ARID2: variants seen among roughly 807,000 people sequenced by gnomAD.
The protein encoded by ARID2 is AT-rich interactive domain-containing protein 2.
A neutral mutation model predicts 184.6 loss-of-function variants in ARID2; 32 were observed. That is an observed-to-expected ratio of 0.17 (90% CI 0.13 to 0.23). The LOEUF (loss-of-function observed/expected upper bound fraction) is 0.23, where lower values mean the gene tolerates loss of function less well. ARID2 is among the 10% of genes least tolerant of loss of function. The pLI is 1.00. For synonymous variants in ARID2, 836 were observed against 772.6 expected (o/e 1.08, Z -1.36); for missense variants, 1,696 against 2,197.6 (o/e 0.77, Z 4.56).
intron 4 of ARID2, among the ~76,000 whole-genome samples, chr12:45,814,632 G>C (rs1942773258): frequency 6.6e-6 from 1 of 152,126 alleles, no homozygotes; most frequent in African/African-American, 2.4e-5. Flanking sequence ...CTAGGCGACA[G>C]AGCAAAACTC....
At chr12:45,901,154 ATTTTTTTTTTT>A (rs71067909) in intron 20 of ARID2, among the ~76,000 whole-genome samples, 12 of 44,962 alleles carry the variant, frequency 2.7e-4, no homozygotes, top group African/African-American at 1.3e-3. Context: ...AATTTCCTTA[ATTTTTTTTTTT>A]TTTTTTTTTT....
chr12:45,857,872 T>C (rs758184562), intron 15 of ARID2, among the ~76,000 whole-genome samples: 5 of 152,002 alleles, frequency 3.3e-5, no homozygotes, highest in African/African-American at 4.8e-5. Flanking sequence ...CAATCCTCCT[T>C]CTTCAGCCTC....
chr12:45,849,557 C>G (rs780829425), intron 13 of ARID2, 23 bp from the exon 14 acceptor site: 2 of 1,567,920 alleles, frequency 1.3e-6, no homozygotes, highest in Non-Finnish European at 1.7e-6. Flanking sequence ...TCAAAACTTA[C>G]TGATTATGTA....
chr12:45,842,630 G>A (rs1226520090), intron 11 of ARID2, among the ~76,000 whole-genome samples: 3 of 151,676 alleles, frequency 2.0e-5, no homozygotes, highest in African/African-American at 7.3e-5. Flanking sequence ...GATGGTGTGC[G>A]CCTGTAGTCC....
At chr12:45,810,523 C>A (rs1942687690) in intron 3 of ARID2, among the ~76,000 whole-genome samples, 1 of 151,994 alleles carries the variant, frequency 6.6e-6, no homozygotes, top group Non-Finnish European at 1.5e-5. Flanking sequence ...ACTGAAAATA[C>A]CCTAAATGTA....
chr12:45,856,907 A>G (rs1943661068), intron 15 of ARID2, among the ~76,000 whole-genome samples: 1 of 152,212 alleles, frequency 6.6e-6, no homozygotes, highest in South Asian at 2.1e-4. Flanking sequence ...AAGTTGAAGC[A>G]CAATTTATAG....
At chr12:45,763,677 C>A (rs1037260360) in intron 3 of ARID2, among the ~76,000 whole-genome samples, 1 of 151,658 alleles carries the variant, frequency 6.6e-6, no homozygotes, top group African/African-American at 2.4e-5. Flanking sequence ...TTTTTGTAGA[C>A]ACAGGGCTTT....
intron 16 of ARID2, among the ~76,000 whole-genome samples, chr12:45,864,068 G>A (rs1010027571): frequency 1.3e-5 from 2 of 151,690 alleles, no homozygotes; most frequent in Admixed American, 6.6e-5. Context: ...TGTTGCCAAG[G>A]CTGTTCTCGA....
chr12:45,815,428 C>G (rs1221732399), intron 4 of ARID2, among the ~76,000 whole-genome samples: 6 of 152,086 alleles, frequency 3.9e-5, no homozygotes, highest in African/African-American at 1.4e-4. Flanking sequence ...CCATTAAAAA[C>G]TGTGTTGTGG....
At chr12:45,840,440 G>T (rs1026348354) in intron 11 of ARID2, 1 of 152,170 alleles carries the variant, frequency 6.6e-6, no homozygotes, top group Non-Finnish European at 1.5e-5. Flanking sequence ...TTCAGAAAGA[G>T]ATGCTAATTT....
chr12:45,757,372 C>T (rs977480430), intron 3 of ARID2, among the ~76,000 whole-genome samples: 1 of 152,208 alleles, frequency 6.6e-6, no homozygotes, highest in African/African-American at 2.4e-5. Flanking sequence ...CCCATCTCTT[C>T]CCACTCCTGA....
At chr12:45,729,992 G>A in intron 1 of ARID2, 52 bp from the exon 2 acceptor site, 1 of 1,607,228 alleles carries the variant, frequency 6.2e-7, no homozygotes, top group Non-Finnish European at 8.5e-7. Context: ...CTCCCGCCCG[G>A]GCCGGGCACG....
At position 45,849,814 on chromosome 12, in the gene ARID2, TTAA is replaced by T. The variant is rs758680101; in HGVS notation, c.1912+45_1912+47del. On this transcript the variant is annotated intron_variant, in intron 14 of 20. Transcript: ENST00000334344. ...ATTGTATTTTTAAAGTATTACTGAT[TTAA>T]TAATAAAACTGAATGAAAAATATAT... 15 of 1,562,224 alleles carry T rather than the reference TTAA, an allele frequency of 9.6e-6. No individual in the cohort carries two copies. In the South Asian group the frequency reaches 1.4e-4, roughly 15 times the overall value.
At chr12:45,890,734 ATAT>A (rs1592143916) in intron 16 of ARID2, among the ~76,000 whole-genome samples, 1 of 152,148 alleles carries the variant, frequency 6.6e-6, no homozygotes, top group East Asian at 1.9e-4. Context: ...TTATTTTAAA[ATAT>A]TAGTCATTCC....
intron 3 of ARID2, among the ~76,000 whole-genome samples, chr12:45,802,974 T>C (rs750914276): frequency 9.2e-5 from 14 of 152,160 alleles, no homozygotes; most frequent in Non-Finnish European, 2.1e-4. Context: ...TCCTTTTCTT[T>C]TCCCGCTATC....
intron 18 of ARID2, among the ~76,000 whole-genome samples, chr12:45,892,482 A>G (rs1353715409): frequency 6.6e-6 from 1 of 150,580 alleles, no homozygotes; most frequent in East Asian, 1.9e-4. Context: ...TCATTATCAT[A>G]TATATATATA....
intron 16 of ARID2, among the ~76,000 whole-genome samples, chr12:45,877,295 T>G (rs1454913439): frequency 1.3e-5 from 2 of 151,918 alleles, no homozygotes; most frequent in Non-Finnish European, 2.9e-5. Context: ...CCACCTAAGC[T>G]CTGCCCCCTG....
intron 3 of ARID2, among the ~76,000 whole-genome samples, chr12:45,782,618 C>G (rs1270930394): frequency 6.6e-6 from 1 of 151,704 alleles, no homozygotes; most frequent in Non-Finnish European, 1.5e-5. Context: ...GGCGACAGAG[C>G]GAGACTCTGT....
At chr12:45,768,720 G>C (rs1380347476) in intron 3 of ARID2, among the ~76,000 whole-genome samples, 1 of 152,116 alleles carries the variant, frequency 6.6e-6, no homozygotes, top group Non-Finnish European at 1.5e-5. Flanking sequence ...GAGCTGGGAG[G>C]AGTCTTTTTG....
Sources: allele counts gnomAD v4.1 joint callset (sites outside exome capture counted in the v4.1 genomes callset), GRCh38; gene constraint gnomAD v4.1.1; transcripts MANE v1.5; gene names NCBI Gene and HGNC (gene_info 2026-07-23, HGNC 2026-07-21).